The following ALDH2 variants were observed in gnomAD, a reference collection of about 807,000 sequenced individuals.
ALDH2 encodes aldehyde dehydrogenase, mitochondrial.
A neutral mutation model predicts 59.6 loss-of-function variants in ALDH2; 44 were observed. The observed-to-expected ratio is 0.74, with a 90% confidence interval of 0.58 to 0.95. The LOEUF is 0.95. Ranked by LOEUF, ALDH2 falls within the 40% of genes least tolerant of loss-of-function variation. The probability of loss-of-function intolerance (pLI) is 0.00; values close to 1 mark genes in which losing one functional copy is unlikely to be tolerated. For synonymous variants in ALDH2, 291 were observed against 284.0 expected, an observed-to-expected ratio of 1.02 and a Z score of -0.25; for missense variants, 570 against 696.3, an observed-to-expected ratio of 0.82 and a Z score of 2.04.
At chr12:111,786,376 A>G (rs1456248915) in intron 4 of ALDH2, among the ~76,000 whole-genome samples, 1 of 151,926 alleles carries the variant, frequency 6.6e-6, no homozygotes, top group Non-Finnish European at 1.5e-5. Flanking sequence ...AGCTGGGACT[A>G]CAGGCGCCCG....
chr12:111,774,851 GTC>G (rs1444332899), intron 1 of ALDH2, among the ~76,000 whole-genome samples: 1 of 152,138 alleles, frequency 6.6e-6, no homozygotes, highest in Non-Finnish European at 1.5e-5. Context: ...TCACCACTAA[GTC>G]TCTGCCTGGC....
chr12:111,809,075 A>G (rs1018851249), intron 12 of ALDH2, among the ~76,000 whole-genome samples: 3 of 152,156 alleles, frequency 2.0e-5, no homozygotes, highest in Non-Finnish European at 4.4e-5. Flanking sequence ...GAACACATCT[A>G]GGGAGATGGG....
intron 3 of ALDH2, among the ~76,000 whole-genome samples, chr12:111,784,320 A>C (rs571448047): frequency 1.3e-5 from 2 of 152,174 alleles, no homozygotes; most frequent in Admixed American, 6.5e-5. Flanking sequence ...TCTCAAAAAA[A>C]AAATGACCCA....
At position 111,817,341 on chromosome 12, in the gene ALDH2, T is replaced by TTAACAGGAATCCATAGCCCAG. The variant is rs1489365535; in HGVS notation, c.*7767_*7787dup. The TTAACAGGAATCCATAGCCCAG allele has an allele frequency of 6.6e-6, 1 of 152,150 alleles. No individual in the cohort carries two copies. The highest frequency in any genetic ancestry group is 1.5e-5 in the Non-Finnish European group (1 of 68,032). The allele number at this position is 152,150 out of a possible 1,614,324, so 9.4% of individuals were successfully genotyped here. A position where few individuals can be genotyped will look rare whatever the true frequency, so the allele number is the denominator to read the frequency against. ...TGTGGTAGCCCAAGGCTGGGACAGA[T>TTAACAGGAATCCATAGCCCAG]TAACAGGAATCCATAGCCCAGGGAT... On this transcript the variant is annotated 3_prime_UTR_variant, in exon 13 of 13. Coordinates refer to ENST00000261733, the MANE Select transcript of ALDH2 (RefSeq NM_000690.4).
At chr12:111,778,771 T>G (rs187059348) in intron 1 of ALDH2, among the ~76,000 whole-genome samples, 2 of 148,460 alleles carry the variant, frequency 1.3e-5, no homozygotes, top group Admixed American at 1.3e-4. Flanking sequence ...GAGGTTGGAG[T>G]GCAGTGAGCT....
intron 4 of ALDH2, among the ~76,000 whole-genome samples, chr12:111,788,488 A>G (rs2068330243): frequency 1.3e-5 from 2 of 152,244 alleles, no homozygotes; most frequent in Admixed American, 6.5e-5. Context: ...AGGACACCCC[A>G]GAGAGAGCAG....
intron 1 of ALDH2, among the ~76,000 whole-genome samples, chr12:111,767,682 A>G (rs938755086): frequency 4.6e-5 from 7 of 152,190 alleles, no homozygotes; most frequent in Non-Finnish European, 8.8e-5. Context: ...GCGGCTTCCA[A>G]CGCCGGCTTC....
intron 9 of ALDH2, among the ~76,000 whole-genome samples, chr12:111,797,729 T>A (rs1006137852): frequency 1.3e-5 from 2 of 152,246 alleles, no homozygotes; most frequent in African/African-American, 4.8e-5. Flanking sequence ...ATATAATTTT[T>A]GAGCAATATT....
chr12:111,772,472 C>T (rs551418385), intron 1 of ALDH2, among the ~76,000 whole-genome samples: 21 of 151,916 alleles, frequency 1.4e-4, no homozygotes, highest in Admixed American at 2.6e-4. Flanking sequence ...TCAAGCGATT[C>T]TCCTGCCTCA....
At chr12:111,792,444 C>T (rs1477303822) in intron 8 of ALDH2, among the ~76,000 whole-genome samples, 154 bp from the exon 9 acceptor site, 1 of 152,220 alleles carries the variant, frequency 6.6e-6, no homozygotes, top group Non-Finnish European at 1.5e-5. Context: ...CAGTGGGCTC[C>T]GAGAGCACCC....
rs2068349656 is a variant in ALDH2 at position 111,790,540 on chromosome 12, A to G, written c.659A>G (p.Tyr220Cys). ...VAEQTPLTAL[Y>C]VANLIKEAGF... ...GAGCAGACACCCCTCACCGCCCTCT[A>G]TGTGGCCAACCTGATCAAGGAGGTG... The change falls in exon 6 of 13, where the codon TAT becomes TGT. Residue 220 changes from tyrosine (Y) to cysteine (C), a missense_variant. Transcript: ENST00000261733. The G allele has an allele frequency of 1.2e-6, 2 of 1,614,046 alleles. No individual in the cohort carries two copies. The highest frequency in any genetic ancestry group is 1.7e-6 in the Non-Finnish European group (2 of 1,180,040).
At chr12:111,791,578 C>T (rs1001747570) in intron 7 of ALDH2, among the ~76,000 whole-genome samples, 159 bp downstream of exon 7, 1 of 152,164 alleles carries the variant, frequency 6.6e-6, no homozygotes, top group Non-Finnish European at 1.5e-5. Context: ...AGGGTTGAGC[C>T]CTTCGTGGTC....
At chr12:111,804,013 G>C in intron 12 of ALDH2, 40 bp downstream of exon 12, 2 of 1,480,352 alleles carry the variant, frequency 1.4e-6, no homozygotes, top group Non-Finnish European at 1.8e-6. Context: ...GCCTGTTGGG[G>C]CTTGAGGGTC....
intron 11 of ALDH2, 141 bp downstream of exon 11, chr12:111,800,204 A>T: frequency 7.6e-6 from 8 of 1,047,206 alleles, no homozygotes. Flanking sequence ...TCGATTTGAG[A>T]GGTCCTGCTA....
In ALDH2 at chr12:111,775,070, C is replaced by T. The variant is rs75852434; in HGVS notation, c.115-6848C>T. On this transcript the variant is annotated intron_variant, in intron 1 of 12. Transcript: ENST00000261733. ...ACCATGGCCTGACCGTGTTGAGGAA[C>T]GCTATGTGGCTTAACATGAGGCAGA... 6.6e-3 allele frequency among the ~76,000 whole-genome samples: 1,011 copies of T among 152,308 alleles called. 4 individuals are homozygous for T. Among genetic ancestry groups the T allele is most frequent in the Admixed American group, 0.011 (164 of 15,296 alleles).
intron 1 of ALDH2, among the ~76,000 whole-genome samples, chr12:111,777,010 G>C (rs1593071001): frequency 1.3e-5 from 2 of 152,274 alleles, no homozygotes; most frequent in South Asian, 4.1e-4. Flanking sequence ...AAATCAACGT[G>C]TGTTGAGTCA....
At chr12:111,783,884 A>G (rs2068291782) in intron 3 of ALDH2, among the ~76,000 whole-genome samples, 1 of 152,056 alleles carries the variant, frequency 6.6e-6, no homozygotes, top group Non-Finnish European at 1.5e-5. Flanking sequence ...AGGCCTTCCC[A>G]GGAGAGAGAC....
Position 111,785,347 on chromosome 12 carries a change from G to T in ALDH2, c.440+1G>T. ...TGGACATGGTCCTCAAATGTCTCCG[G>T]TATGGGCTCAGCTTTCCTGTTCTTT... On this transcript the variant is annotated splice_donor_variant, in intron 4 of 12. Coordinates refer to ENST00000261733, the MANE Select transcript of ALDH2 (RefSeq NM_000690.4). LOFTEE classifies it high-confidence loss of function. 6.2e-7 allele frequency: 1 copy of T among 1,612,618 alleles called. No individual in the cohort carries two copies.
At chr12:111,783,078 A>C in intron 2 of ALDH2, 80 bp from the exon 3 acceptor site, 1 of 1,529,720 alleles carries the variant, frequency 6.5e-7, no homozygotes, top group Middle Eastern at 1.7e-4. Flanking sequence ...GACCTTCTGG[A>C]TGTGTTTGTA....
Sources: gnomAD v4.1 joint callset for allele counts (sites outside exome capture counted in the v4.1 genomes callset) on GRCh38, gnomAD v4.1.1 for gene constraint, MANE v1.5 for transcripts, NCBI Gene and HGNC (gene_info 2026-07-23, HGNC 2026-07-21) for gene names.